EFR3B: variants seen among roughly 807,000 people sequenced by gnomAD.
The protein encoded by EFR3B is EFR3 homolog B, also known as protein EFR3 homolog B.
In EFR3B, 64 loss-of-function variants were observed where a neutral mutation model predicts 104.7. That is an observed-to-expected ratio of 0.61 (90% confidence interval 0.50 to 0.75). The LOEUF (loss-of-function observed/expected upper bound fraction) is 0.75, where lower values mean the gene tolerates loss of function less well. EFR3B is among the 30% of genes least tolerant of loss of function. EFR3B has a pLI of 0.00. For missense variants in EFR3B, 750 were observed against 1,078.5 expected (o/e 0.70, Z 4.27); for synonymous variants, 385 against 417.9 (o/e 0.92, Z 0.96).
At chr2:25,046,932 AGCCCCATGATCCAGGTATG>A (rs1667739347) in intron 1 of EFR3B, among the ~76,000 whole-genome samples, 1 of 152,150 alleles carries the variant, frequency 6.6e-6, no homozygotes, top group African/African-American at 2.4e-5. Context: ...AGGTTTCTGC[AGCCCCATGATCCAGGTATG>A]GCCTATGCAT....
chr2:25,064,666 G>A (rs866736504), intron 1 of EFR3B, among the ~76,000 whole-genome samples: 105 of 152,244 alleles, frequency 6.9e-4, no homozygotes, highest in African/African-American at 2.4e-3. Flanking sequence ...ATGCCTCGAC[G>A]TGCCAAGTAG....
At chr2:25,120,579 G>A (rs1669985016) in intron 4 of EFR3B, among the ~76,000 whole-genome samples, 1 of 152,122 alleles carries the variant, frequency 6.6e-6, no homozygotes, top group Admixed American at 6.5e-5. Context: ...GGGAGGTGGA[G>A]GTTGTAGTGA....
At chr2:25,057,775 A>G (rs1668063588) in intron 1 of EFR3B, among the ~76,000 whole-genome samples, 1 of 93,060 alleles carries the variant, frequency 1.1e-5, no homozygotes. Context: ...ACAAGAGCAA[A>G]ACTCCGTCAA....
intron 1 of EFR3B, chr2:25,058,320 C>A (rs1668080195): frequency 6.6e-6 from 1 of 152,104 alleles, no homozygotes; most frequent in Non-Finnish European, 1.5e-5. Context: ...CATCGTGAGA[C>A]CCCATCTCTT....
At position 25,089,452 on chromosome 2, in the gene EFR3B, T is replaced by A. The variant is rs185507797; in HGVS notation, c.8-1873T>A. Among the ~76,000 whole-genome samples the A allele has an allele frequency of 6.0e-3, 915 of 152,250 alleles. 12 individuals are homozygous for A. Among genetic ancestry groups the A allele is most frequent in the African/African-American group, 0.021 (878 of 41,560 alleles). Reference sequence around the variant, plus strand: ...GTCCTAACTTCCCCATGTTTCTATTTCCTCACTCCCTTAAAATGCAAAAGG... The same window carrying A: ...GTCCTAACTTCCCCATGTTTCTATTACCTCACTCCCTTAAAATGCAAAAGG... On this transcript the variant is annotated intron_variant, in intron 1 of 22. Coordinates refer to ENST00000403714, the MANE Select transcript of EFR3B (RefSeq NM_014971.2).
In EFR3B at chr2:25,130,050, G is replaced by A. The variant is rs1670287114; in HGVS notation, c.711G>A (p.Arg237=). The A allele has an allele frequency of 1.9e-6, 3 of 1,551,750 alleles. No individual in the cohort carries two copies. Among genetic ancestry groups the A allele is most frequent in the Non-Finnish European group, 1.7e-6 (2 of 1,147,010 alleles). ...CGGAGCTGGCTGAGAGGTGTCTTCG[G>A]GAGCTGCTGGGCCGGGCTGCCTTTG... is the stretch of plus-strand genomic sequence containing the variant. ...SPAELAERCL[R]ELLGRAAFGN... The change falls in exon 7 of 23, where the codon CGG becomes CGA. Residue 237 remains arginine (R), a synonymous_variant. Transcript: ENST00000403714. The surrounding 1 kb of genome is among the most constrained non-coding windows in gnomAD (Gnocchi z 4.6).
At chr2:25,060,494 A>C (rs1047285138) in intron 1 of EFR3B, among the ~76,000 whole-genome samples, 1 of 152,192 alleles carries the variant, frequency 6.6e-6, no homozygotes, top group African/African-American at 2.4e-5. Context: ...GGATAAAATT[A>C]AGAGAATGTC....
intron 1 of EFR3B, chr2:25,080,696 C>A: frequency 1.2e-6 from 1 of 806,856 alleles, no homozygotes; most frequent in Non-Finnish European, 2.0e-6. Context: ...TCTGCCTTAG[C>A]AGCGTCTTTG....
chr2:25,090,273 TC>T (rs1270503868), intron 1 of EFR3B, among the ~76,000 whole-genome samples: 1 of 152,206 alleles, frequency 6.6e-6, no homozygotes, highest in African/African-American at 2.4e-5. Context: ...TCCTCCTCTC[TC>T]CTCCTCCATG....
chr2:25,091,127 G>A (rs1283803546), intron 1 of EFR3B, among the ~76,000 whole-genome samples, 198 bp from the exon 2 acceptor site: 1 of 152,188 alleles, frequency 6.6e-6, no homozygotes, highest in African/African-American at 2.4e-5. Context: ...CATGGCAGAT[G>A]TCTTAGAGTG....
intron 1 of EFR3B, among the ~76,000 whole-genome samples, chr2:25,072,198 G>A (rs993061466): frequency 6.6e-6 from 1 of 152,184 alleles, no homozygotes; most frequent in Non-Finnish European, 1.5e-5. Flanking sequence ...GGACGTGGGT[G>A]GCTGTTACTC....
chr2:25,152,942 A>C (rs959211253), intron 21 of EFR3B, among the ~76,000 whole-genome samples: 1 of 152,136 alleles, frequency 6.6e-6, no homozygotes, highest in Non-Finnish European at 1.5e-5. Flanking sequence ...ATCAGGGCCC[A>C]GTCACGGAAC....
intron 4 of EFR3B, among the ~76,000 whole-genome samples, chr2:25,115,160 G>A (rs1478972771): frequency 2.0e-5 from 3 of 152,164 alleles, no homozygotes; most frequent in Non-Finnish European, 4.4e-5. Flanking sequence ...CAGCCTGGGC[G>A]ACAGGAGTGA....
At chr2:25,117,050 C>T (rs570665055) in intron 4 of EFR3B, among the ~76,000 whole-genome samples, 6 of 152,172 alleles carry the variant, frequency 3.9e-5, no homozygotes, top group South Asian at 4.2e-4. Flanking sequence ...AGTCCTATGG[C>T]GCCACGGCTC....
intron 1 of EFR3B, among the ~76,000 whole-genome samples, chr2:25,077,854 G>A (rs548703443): frequency 6.6e-6 from 1 of 152,198 alleles, no homozygotes; most frequent in African/African-American, 2.4e-5. Flanking sequence ...AAGGAAAAGG[G>A]GAAAAGAAAA....
At chr2:25,052,446 T>C (rs1667897196) in intron 1 of EFR3B, among the ~76,000 whole-genome samples, 1 of 152,008 alleles carries the variant, frequency 6.6e-6, no homozygotes, top group Non-Finnish European at 1.5e-5. Context: ...ACACAGTTAC[T>C]GTTAATGTGG....
intron 17 of EFR3B, 77 bp downstream of exon 17, chr2:25,141,510 G>C: frequency 6.8e-7 from 1 of 1,470,656 alleles, no homozygotes; most frequent in South Asian, 1.3e-5. Context: ...GAGGTCAGGA[G>C]GGGTCAATGC....
rs562323297 is a variant in EFR3B at position 25,158,608 on chromosome 2, G to C, written c.*4268G>C. On this transcript the variant is annotated 3_prime_UTR_variant, in exon 23 of 23. Coordinates refer to ENST00000403714, the MANE Select transcript of EFR3B (RefSeq NM_014971.2). ...TATGGCAGGGACAGGAGGGCGGCAG[G>C]AAGGGCTTTGTGGCCCTGCTGGGGC... 6.5e-6 allele frequency: 1 copy of C among 152,784 alleles called. No homozygotes were observed. The highest frequency in any genetic ancestry group is 1.5e-5 in the Non-Finnish European group (1 of 68,420). The allele number at this position is 152,784 out of a possible 1,614,324, so 9.5% of individuals were successfully genotyped here.
chr2:25,051,661 A>T (rs1573162306), intron 1 of EFR3B, among the ~76,000 whole-genome samples: 2 of 141,192 alleles, frequency 1.4e-5, no homozygotes. Context: ...TTTCAGACAC[A>T]GCCTTGCTGT....
Sources: allele counts gnomAD v4.1 joint callset (sites outside exome capture counted in the v4.1 genomes callset), GRCh38; gene constraint gnomAD v4.1.1; non-coding constraint Gnocchi (gnomAD v3.1); transcripts MANE v1.5; gene names NCBI Gene and HGNC (gene_info 2026-07-23, HGNC 2026-07-21).